The following BMP2K variants were observed in gnomAD, a reference collection of about 807,000 sequenced individuals.
The protein encoded by BMP2K is BMP2 inducible kinase, also known as BMP-2-inducible protein kinase.
Under a neutral mutation model 116.0 loss-of-function variants are expected in BMP2K, and 74 were observed. The ratio of observed to expected loss-of-function variants is 0.64; its 90% confidence interval spans 0.53 to 0.77. The LOEUF is 0.77. BMP2K is among the 30% of genes least tolerant of loss of function. The probability of loss-of-function intolerance (pLI) is 0.00; values close to 1 mark genes in which losing one functional copy is unlikely to be tolerated. For synonymous variants in BMP2K, 486 were observed against 502.5 expected (o/e 0.97, Z 0.44); for missense variants, 1,365 against 1,403.6 (o/e 0.97, Z 0.44).
chr4:78,859,738 G>A (rs1731679073), intron 8 of BMP2K, 51 bp downstream of exon 8: 6 of 1,256,010 alleles, frequency 4.8e-6, no homozygotes, highest in African/African-American at 1.5e-5. Context: ...TTTATCGTAT[G>A]TGAATATATT....
intron 1 of BMP2K, among the ~76,000 whole-genome samples, chr4:78,783,383 A>G (rs1727597188): frequency 6.6e-6 from 1 of 152,208 alleles, no homozygotes; most frequent in Non-Finnish European, 1.5e-5. Context: ...ATTGTCCGTT[A>G]ATGTATTTCC....
intron 2 of BMP2K, among the ~76,000 whole-genome samples, chr4:78,829,846 TCTTC>T (rs1388316114): frequency 5.3e-5 from 8 of 150,264 alleles, no homozygotes; most frequent in Non-Finnish European, 7.4e-5. Flanking sequence ...TCTTCTCTTC[TCTTC>T]TTTTTTTCTT....
chr4:78,786,044 A>T (rs1360676936), intron 1 of BMP2K, among the ~76,000 whole-genome samples: 1 of 152,058 alleles, frequency 6.6e-6, no homozygotes, highest in African/African-American at 2.4e-5. Flanking sequence ...CTCCCTACTT[A>T]TATTACACTG....
intron 7 of BMP2K, among the ~76,000 whole-genome samples, chr4:78,855,205 T>A (rs188149567): frequency 6.6e-6 from 1 of 152,260 alleles, no homozygotes; most frequent in Admixed American, 6.6e-5. Flanking sequence ...TAGAGTAACA[T>A]GTAAGTTTCT....
At chr4:78,781,424 A>ATTTT (rs139447702) in intron 1 of BMP2K, among the ~76,000 whole-genome samples, 1 of 140,318 alleles carries the variant, frequency 7.1e-6, no homozygotes, top group Non-Finnish European at 1.6e-5. Context: ...GAAGGAACAG[A>ATTTT]TTTTTTTTTT....
At chr4:78,784,776 A>G (rs1015163476) in intron 1 of BMP2K, among the ~76,000 whole-genome samples, 5 of 152,340 alleles carry the variant, frequency 3.3e-5, no homozygotes, top group Non-Finnish European at 7.4e-5. Context: ...CTATCGGGGA[A>G]AAATACCAGC....
rs1476923213 is a variant in BMP2K, at chr4:78,913,141, G to A, written c.*1108G>A. 1.3e-5 allele frequency: 2 copies of A among 152,062 alleles called. No homozygotes were observed. Among genetic ancestry groups the A allele is most frequent in the Non-Finnish European group, 2.9e-5 (2 of 67,992 alleles). The allele number at this position is 152,062 out of a possible 1,614,324, so 9.4% of individuals were successfully genotyped here. A position where few individuals can be genotyped will look rare whatever the true frequency, so the allele number is the denominator to read the frequency against. On this transcript the variant is annotated 3_prime_UTR_variant, in exon 16 of 16. Coordinates refer to ENST00000502613, the MANE Select transcript of BMP2K (RefSeq NM_198892.2). ...ACAATTATTTTTATTAGGTTTTGGG[G>A]GGTGGAGTAGTTTTAATAAAGTGCA...
intron 1 of BMP2K, among the ~76,000 whole-genome samples, chr4:78,819,813 A>G (rs1729527328): frequency 6.6e-6 from 1 of 152,200 alleles, no homozygotes; most frequent in Non-Finnish European, 1.5e-5. Context: ...CTTACCAGGC[A>G]TTATGCATAC....
intron 13 of BMP2K, among the ~76,000 whole-genome samples, chr4:78,873,658 CTG>C (rs377226626): frequency 0.076 from 10,586 of 139,242 alleles, 488 homozygotes; most frequent in East Asian, 0.26. Context: ...CTCCCAACCT[CTG>C]TGTGTGTGTG....
intron 7 of BMP2K, among the ~76,000 whole-genome samples, chr4:78,854,355 C>T (rs772551077): frequency 1.3e-5 from 2 of 151,890 alleles, no homozygotes; most frequent in Non-Finnish European, 1.5e-5. Flanking sequence ...CTCACTACAA[C>T]CTCTGCCTCC....
chr4:78,785,502 A>C (rs1288936359), intron 1 of BMP2K, among the ~76,000 whole-genome samples: 1 of 152,192 alleles, frequency 6.6e-6, no homozygotes, highest in African/African-American at 2.4e-5. Flanking sequence ...GCTCAAATTA[A>C]ATTGTGTGAC....
intron 1 of BMP2K, among the ~76,000 whole-genome samples, chr4:78,792,813 A>C (rs1728068114): frequency 6.6e-6 from 1 of 152,226 alleles, no homozygotes; most frequent in Non-Finnish European, 1.5e-5. Context: ...TATTACAACT[A>C]ACCTTTAAGA....
At chr4:78,851,310 G>A (rs1731239727) in intron 7 of BMP2K, among the ~76,000 whole-genome samples, 1 of 152,022 alleles carries the variant, frequency 6.6e-6, no homozygotes, top group South Asian at 2.1e-4. Flanking sequence ...AATGTCAGAA[G>A]GGCTAGTCTT....
chr4:78,913,263 A>G lies in BMP2K; in HGVS notation c.*1230A>G, dbSNP rs1480121607. On this transcript the variant is annotated 3_prime_UTR_variant, in exon 16 of 16. Transcript: ENST00000502613. Reference sequence around the variant, plus strand: ...TAATATACCAGATCCTAAAATGCATATAAGGTGGACTAGCATCTTAATTCT... The same window carrying G: ...TAATATACCAGATCCTAAAATGCATGTAAGGTGGACTAGCATCTTAATTCT... 4 of 152,154 alleles carry G rather than the reference A, an allele frequency of 2.6e-5. No individual in the cohort carries two copies. The highest frequency in any genetic ancestry group is 4.4e-5 in the Non-Finnish European group (3 of 68,014). 9.4% of individuals were successfully genotyped at this position (152,154 alleles called of 1,614,324 possible). A position where few individuals can be genotyped will look rare whatever the true frequency, so the allele number is the denominator to read the frequency against.
Position 78,867,263 on chromosome 4 carries a change from T to G in BMP2K, c.1231+1543T>G, listed in dbSNP as rs191977323. ...AAATTTTGTCTAGAAAGAAGGAAGC[T>G]AAAGCCTCAGTAGCTAAAGATGTTG... On this transcript the variant is annotated intron_variant, in intron 10 of 15. Coordinates refer to ENST00000502613, the MANE Select transcript of BMP2K (RefSeq NM_198892.2). 1.6e-4 allele frequency among the ~76,000 whole-genome samples: 25 copies of G among 152,326 alleles called. 1 individual carries two copies. The East Asian group carries it at 4.8e-3, about 29-fold the overall frequency.
chr4:78,776,863 G>C, intron 1 of BMP2K, 142 bp downstream of exon 1: 1 of 847,856 alleles, frequency 1.2e-6, no homozygotes, highest in Non-Finnish European at 1.5e-6. Flanking sequence ...CTCCTAAAGA[G>C]TGGCTCGGGC....
At position 78,911,397 on chromosome 4, in the gene BMP2K, T is replaced by C. The variant is rs755649080; in HGVS notation, c.2850T>C (p.Asn950=). Residue 950 remains asparagine (N), a synonymous_variant, in exon 16 of 16, where the codon AAT becomes AAC. Transcript: ENST00000502613. ...FLTSTSKSES[N]EDLFGLVPFD... ...CATCAACAAGTAAAAGTGAAAGCAA[T>C]GAGGACCTTTTTGGGCTTGTGCCCT... 5.0e-6 allele frequency: 8 copies of C among 1,614,008 alleles called. No homozygotes were observed. The highest frequency in any genetic ancestry group is 1.6e-4 in the Middle Eastern group (1 of 6,062).
rs1180974126 is a variant in BMP2K at position 78,870,829 on chromosome 4, AC to A, written c.1280del (p.Pro427LeufsTer93). ...NGPEILLGQG[P>X]PQQPPQQHRV... The stretch of plus-strand genomic sequence containing the variant: ...GCCCTGAAATTTTATTGGGTCAGGG[AC>A]CTCCTCAGCAGCCGCCACAGCAGCA... On this transcript the variant is annotated frameshift_variant, in exon 11 of 16. Coordinates refer to ENST00000502613, the MANE Select transcript of BMP2K (RefSeq NM_198892.2). LOFTEE classifies it high-confidence loss of function. 1 of 1,613,884 alleles carries A rather than the reference AC, an allele frequency of 6.2e-7. No homozygotes were observed. The highest frequency in any genetic ancestry group is 1.7e-5 in the Admixed American group (1 of 59,974).
chr4:78,841,790 A>G (rs942378999), intron 3 of BMP2K, among the ~76,000 whole-genome samples: 23 of 152,160 alleles, frequency 1.5e-4, no homozygotes, highest in Admixed American at 1.4e-3. Context: ...GCATTTGTAC[A>G]TAGTACTCAG....
Sources: allele counts gnomAD v4.1 joint callset (sites outside exome capture counted in the v4.1 genomes callset), GRCh38; gene constraint gnomAD v4.1.1; transcripts MANE v1.5; gene names NCBI Gene and HGNC (gene_info 2026-07-23, HGNC 2026-07-21).